Variants in SPMIP2 observed in about 807,000 individuals in gnomAD.
SPMIP2 encodes the protein sperm microtubule inner protein 2.
chr4:159,036,030 T>C, the SPMIP2 span, among the ~76,000 whole-genome samples: 3 of 152,222 alleles, frequency 2.0e-5, no homozygotes, highest in Non-Finnish European at 4.4e-5. Flanking sequence ...AAATAGTTAA[T>C]AGATGTTTGT....
chr4:158,996,272 A>G, the SPMIP2 span, among the ~76,000 whole-genome samples: 10 of 152,240 alleles, frequency 6.6e-5, no homozygotes, highest in South Asian at 6.2e-4. Flanking sequence ...AAACTGACCC[A>G]TCTTGACAAA....
the SPMIP2 span, among the ~76,000 whole-genome samples, chr4:158,894,280 C>T: frequency 6.6e-6 from 1 of 151,522 alleles, no homozygotes; most frequent in Non-Finnish European, 1.5e-5. Flanking sequence ...AAGCAATCCT[C>T]CCACCTCAGC....
At chr4:158,970,534 T>C in the SPMIP2 span, among the ~76,000 whole-genome samples, 1 of 112,296 alleles carries the variant, frequency 8.9e-6, no homozygotes, top group Admixed American at 1.1e-4. Flanking sequence ...AGTGAGACCT[T>C]GTCTCAAAAA....
At chr4:158,894,312 A>G in the SPMIP2 span, among the ~76,000 whole-genome samples, 1 of 151,882 alleles carries the variant, frequency 6.6e-6, no homozygotes, top group African/African-American at 2.4e-5. Flanking sequence ...CTAGGACTAC[A>G]GGTGTGTGGG....
chr4:159,033,969 A>AAAAT, the SPMIP2 span, among the ~76,000 whole-genome samples: 9 of 152,120 alleles, frequency 5.9e-5, no homozygotes, highest in South Asian at 6.2e-4. Flanking sequence ...CTAAAAGTAC[A>AAAAT]AAATAAATAA....
the SPMIP2 span, among the ~76,000 whole-genome samples, chr4:158,954,672 C>T: frequency 3.9e-5 from 6 of 152,294 alleles, no homozygotes; most frequent in African/African-American, 9.6e-5. Flanking sequence ...TAGTTTTTCT[C>T]GAGTTCAATG....
the SPMIP2 span, among the ~76,000 whole-genome samples, chr4:158,901,952 A>G: frequency 4.6e-5 from 7 of 151,704 alleles, no homozygotes; most frequent in Non-Finnish European, 8.8e-5. Context: ...AGCTCAGAGG[A>G]GTTTGTTATT....
At chr4:159,021,245 C>A in the SPMIP2 span, among the ~76,000 whole-genome samples, 1 of 152,208 alleles carries the variant, frequency 6.6e-6, no homozygotes, top group Non-Finnish European at 1.5e-5. Flanking sequence ...TAGAGTCATC[C>A]TCCAAAGCCA....
the SPMIP2 span, among the ~76,000 whole-genome samples, chr4:159,030,430 G>C: frequency 6.6e-6 from 1 of 151,628 alleles, no homozygotes; most frequent in South Asian, 2.1e-4. Context: ...AAAAAAAAGA[G>C]TAGTGTTATG....
the SPMIP2 span, among the ~76,000 whole-genome samples, chr4:158,972,709 G>A: frequency 6.6e-6 from 1 of 152,262 alleles, no homozygotes; most frequent in African/African-American, 2.4e-5. Flanking sequence ...TGTTAGGTTT[G>A]TGGATTATGG....
chr4:158,932,471 A>AACATACAT, the SPMIP2 span, among the ~76,000 whole-genome samples: 3 of 152,094 alleles, frequency 2.0e-5, no homozygotes, highest in Admixed American at 6.5e-5. Flanking sequence ...TCTGTGTCAA[A>AACATACAT]ACATACATAC....
At chr4:159,033,433 C>A in the SPMIP2 span, among the ~76,000 whole-genome samples, 4 of 151,958 alleles carry the variant, frequency 2.6e-5, no homozygotes, top group Admixed American at 1.3e-4. Flanking sequence ...GCATAAAAAG[C>A]AAACCTTAAT....
the SPMIP2 span, among the ~76,000 whole-genome samples, chr4:158,978,675 CTTCT>C: frequency 6.6e-5 from 10 of 152,154 alleles, no homozygotes; most frequent in East Asian, 1.7e-3. Flanking sequence ...TTGTAATGCC[CTTCT>C]TTGTCTTTTT....
chr4:158,899,437 C>T, the SPMIP2 span, among the ~76,000 whole-genome samples: 1 of 152,188 alleles, frequency 6.6e-6, no homozygotes, highest in Non-Finnish European at 1.5e-5. Context: ...GGTACCAGCT[C>T]CTGTACACTC....
the SPMIP2 span, among the ~76,000 whole-genome samples, chr4:159,019,854 A>T: frequency 6.6e-6 from 1 of 152,162 alleles, no homozygotes; most frequent in Non-Finnish European, 1.5e-5. Flanking sequence ...GACTGGAGAG[A>T]GGGGGACAGT....
the SPMIP2 span, among the ~76,000 whole-genome samples, chr4:158,935,660 T>C: frequency 5.9e-5 from 9 of 152,208 alleles, no homozygotes; most frequent in Non-Finnish European, 1.3e-4. Flanking sequence ...ACAAAACATA[T>C]TTAAATTTTC....
At chr4:158,967,568 AG>A in the SPMIP2 span, among the ~76,000 whole-genome samples, 1 of 152,226 alleles carries the variant, frequency 6.6e-6, no homozygotes, top group South Asian at 2.1e-4. Context: ...TGCTTTTATA[AG>A]TTAGTTGAAA....
At chr4:159,050,605 C>A in the SPMIP2 span, among the ~76,000 whole-genome samples, 1 of 151,996 alleles carries the variant, frequency 6.6e-6, no homozygotes, top group Non-Finnish European at 1.5e-5. Context: ...GAGTTCGAGA[C>A]CAGCCTGGGC....
the SPMIP2 span, among the ~76,000 whole-genome samples, chr4:159,066,705 C>T: frequency 6.6e-6 from 1 of 151,518 alleles, no homozygotes; most frequent in East Asian, 1.9e-4. Flanking sequence ...TTTGGACCCT[C>T]TGTGGAAGAA....
Sources: gnomAD v4.1 joint callset for allele counts (sites outside exome capture counted in the v4.1 genomes callset) on GRCh38, gnomAD v4.1.1 for gene constraint, MANE v1.5 for transcripts, NCBI Gene and HGNC (gene_info 2026-07-23, HGNC 2026-07-21) for gene names.